The following CYBRD1 variants were observed in gnomAD, a reference collection of about 807,000 sequenced individuals.
The protein encoded by CYBRD1 is plasma membrane ascorbate-dependent reductase CYBRD1.
In CYBRD1, 14 loss-of-function variants were observed where a neutral mutation model predicts 21.9. The ratio of observed to expected loss-of-function variants is 0.64; its 90% CI spans 0.42 to 1.00. The LOEUF (loss-of-function observed/expected upper bound fraction) is 1.00, where lower values mean the gene tolerates loss of function less well. CYBRD1 is among the 50% of genes least tolerant of loss of function. The pLI is 0.00. For synonymous variants in CYBRD1, 146 were observed against 136.5 expected (o/e 1.07, Z -0.48); for missense variants, 328 against 352.5 (o/e 0.93, Z 0.56).
At chr2:171,534,528 T>C (rs1429151688) in intron 1 of CYBRD1, among the ~76,000 whole-genome samples, 1 of 152,246 alleles carries the variant, frequency 6.6e-6, no homozygotes, top group Non-Finnish European at 1.5e-5. Context: ...TTAAAAAGCA[T>C]GTAAACAGCT....
chr2:171,549,430 T>C (rs953023693), intron 2 of CYBRD1, among the ~76,000 whole-genome samples: 1 of 152,148 alleles, frequency 6.6e-6, no homozygotes, highest in Non-Finnish European at 1.5e-5. Context: ...TTTCTAATTA[T>C]AAAAGTAATA....
intron 1 of CYBRD1, among the ~76,000 whole-genome samples, chr2:171,528,546 C>T (rs1215488620): frequency 6.6e-6 from 1 of 151,882 alleles, no homozygotes; most frequent in South Asian, 2.1e-4. Flanking sequence ...TTAGAGTGCT[C>T]AAGCCTCAGT....
At chr2:171,553,676 A>G (rs17288588) in intron 3 of CYBRD1, among the ~76,000 whole-genome samples, 176 bp downstream of exon 3, 23,248 of 152,210 alleles carry the variant, frequency 0.15, 2,239 homozygotes, top group Non-Finnish European at 0.23. Flanking sequence ...GTTTAGAAGG[A>G]CCAAAAAGTC....
At chr2:171,550,081 C>T (rs1205590545) in intron 2 of CYBRD1, among the ~76,000 whole-genome samples, 1 of 152,084 alleles carries the variant, frequency 6.6e-6, no homozygotes, top group Admixed American at 6.6e-5. Flanking sequence ...GAATGTGGCC[C>T]AGGCATCTTT....
intron 1 of CYBRD1, 60 bp from the exon 2 acceptor site, chr2:171,541,525 A>G (rs1384546902): frequency 2.6e-6 from 4 of 1,534,124 alleles, no homozygotes; most frequent in South Asian, 2.2e-5. Flanking sequence ...CAAACTGTTC[A>G]TTTTGTGTTG....
At chr2:171,554,226 T>C (rs990798877) in intron 3 of CYBRD1, among the ~76,000 whole-genome samples, 1 of 152,216 alleles carries the variant, frequency 6.6e-6, no homozygotes, top group Non-Finnish European at 1.5e-5. Context: ...GGTTTTCCTT[T>C]TGGTTTAGTT....
rs929590521 is a variant in CYBRD1 at position 171,528,863 on chromosome 2, T to C, written c.193+6125T>C. 3.3e-4 allele frequency among the ~76,000 whole-genome samples: 51 copies of C among 152,376 alleles called. 1 individual carries two copies. Among genetic ancestry groups the C allele is most frequent in the Admixed American group, 3.9e-4 (6 of 15,306 alleles). ...CTTGTAGTCGTTCAGGACGAAATTA[T>C]GCAGTCATCTGTGATTCTTCTCTTC... is the stretch of plus-strand genomic sequence containing the variant. On this transcript the variant is annotated intron_variant, in intron 1 of 3. Transcript: ENST00000321348.
rs11558131 is a variant in CYBRD1 at position 171,556,325 on chromosome 2, G to A, written c.*1498G>A. 48,458 of 151,846 alleles carry A rather than the reference G, an allele frequency of 0.32. 8,086 individuals are homozygous for A. Among genetic ancestry groups the A allele is most frequent in the South Asian group, 0.42 (2,028 of 4,812 alleles). The allele number at this position is 151,846 out of a possible 1,614,324, so 9.4% of individuals were successfully genotyped here. On this transcript the variant is annotated 3_prime_UTR_variant, in exon 4 of 4. Transcript: ENST00000321348. ...TATGGAATTTTAGGGGATATTTTGA[G>A]CTTTGGGTTCTCAGTAGTGAATTGA...
In CYBRD1 at chr2:171,541,649, T is replaced by G; in HGVS notation, c.258T>G (p.His86Gln). 6.2e-7 allele frequency: 1 copy of G among 1,613,954 alleles called. No individual in the cohort carries two copies. The highest frequency in any genetic ancestry group is 8.5e-7 in the Non-Finnish European group (1 of 1,179,986). Residue 86 changes from histidine (H) to glutamine (Q), a missense_variant, in exon 2 of 4, where the codon CAT becomes CAG. By Grantham distance (24) the His-to-Gln change is conservative (BLOSUM62 0). Coordinates refer to ENST00000321348, the MANE Select transcript of CYBRD1 (RefSeq NM_024843.4). ...GCAAGCTCCTGATGAAATCCATCCATGCAGGGTTAAATGCAGTTGCTGCCA... is the reference window on the plus strand; with the variant it reads ...GCAAGCTCCTGATGAAATCCATCCAGGCAGGGTTAAATGCAGTTGCTGCCA... ...KCSKLLMKSIHAGLNAVAAIL... is the reference protein window; with the variant it reads ...KCSKLLMKSIQAGLNAVAAIL...
At chr2:171,542,109 C>T (rs1697644305) in intron 2 of CYBRD1, among the ~76,000 whole-genome samples, 1 of 152,078 alleles carries the variant, frequency 6.6e-6, no homozygotes, top group South Asian at 2.1e-4. Flanking sequence ...GGTGATCCGC[C>T]TGCCTCAGCC....
At position 171,530,988 on chromosome 2, in the gene CYBRD1, C is replaced by CA. The variant is rs978931573; in HGVS notation, c.193+8259dup. Among the ~76,000 whole-genome samples, 314 of 149,722 alleles carry CA rather than the reference C, an allele frequency of 2.1e-3. 6 individuals carry two copies. The highest frequency in any genetic ancestry group is 1.2e-3 in the African/African-American group (48 of 40,892). Reference sequence around the variant, plus strand: ...GCAACATGGTGAAACCCCATCTCTACAAAAAAAAATACAAAAATTAGCCAG... The same window carrying CA: ...GCAACATGGTGAAACCCCATCTCTACAAAAAAAAAATACAAAAATTAGCCAG... On this transcript the variant is annotated intron_variant, in intron 1 of 3. Transcript: ENST00000321348.
intron 1 of CYBRD1, 63 bp from the exon 2 acceptor site, chr2:171,541,522 T>C (rs1574439269): frequency 6.6e-7 from 1 of 1,516,498 alleles, no homozygotes; most frequent in Non-Finnish European, 9.1e-7. Flanking sequence ...TGTCAAACTG[T>C]TCATTTTGTG....
At chr2:171,537,412 A>C (rs1352914762) in intron 1 of CYBRD1, among the ~76,000 whole-genome samples, 1 of 152,190 alleles carries the variant, frequency 6.6e-6, no homozygotes, top group Non-Finnish European at 1.5e-5. Context: ...GGGAAACCAC[A>C]GTGTTTGAGT....
intron 1 of CYBRD1, among the ~76,000 whole-genome samples, chr2:171,525,025 C>T (rs947768641): frequency 2.6e-5 from 4 of 152,174 alleles, no homozygotes; most frequent in Non-Finnish European, 5.9e-5. Flanking sequence ...GCAACCTCCA[C>T]CTCCCAGGTT....
At chr2:171,544,545 C>A (rs1174810066) in intron 2 of CYBRD1, among the ~76,000 whole-genome samples, 1 of 152,126 alleles carries the variant, frequency 6.6e-6, no homozygotes, top group African/African-American at 2.4e-5. Context: ...AAAACCCCAA[C>A]AATATGAAAA....
At chr2:171,522,292 G>T (rs1028997608), upstream of CYBRD1, 6 of 1,546,490 alleles carry the variant, frequency 3.9e-6, no homozygotes, top group Non-Finnish European at 4.4e-6. This position sits in a 1 kb window ranked among gnomAD's most constrained non-coding sequence, Gnocchi z 4.3. Context: ...GAGGGAGAGG[G>T]TGAGGCCACC....
intron 2 of CYBRD1, among the ~76,000 whole-genome samples, chr2:171,547,436 T>C (rs1697733126): frequency 2.9e-5 from 1 of 34,558 alleles, no homozygotes; most frequent in Non-Finnish European, 6.2e-5. Flanking sequence ...TTGGGTGCTC[T>C]TTTTTTTTTT....
chr2:171,537,019 C>T (rs375732606), intron 1 of CYBRD1, among the ~76,000 whole-genome samples: 3 of 152,154 alleles, frequency 2.0e-5, no homozygotes, highest in East Asian at 1.9e-4. Flanking sequence ...ACTACTTAAC[C>T]TCTCTGCCTC....
intron 2 of CYBRD1, among the ~76,000 whole-genome samples, chr2:171,548,619 A>G (rs1343135065): frequency 1.3e-5 from 2 of 148,606 alleles, no homozygotes; most frequent in Non-Finnish European, 3.0e-5. Context: ...AGTTTACTTG[A>G]AAGCTCATTA....
Sources: gnomAD v4.1 joint callset for allele counts (sites outside exome capture counted in the v4.1 genomes callset) on GRCh38, gnomAD v4.1.1 for gene constraint, Gnocchi (gnomAD v3.1) non-coding constraint, MANE v1.5 for transcripts, NCBI Gene and HGNC (gene_info 2026-07-23, HGNC 2026-07-21) for gene names.